FBXW11: variants seen among roughly 807,000 people sequenced by gnomAD.
FBXW11 encodes the protein F-box/WD repeat-containing protein 11.
A neutral mutation model predicts 77.6 loss-of-function variants in FBXW11; 19 were observed. The observed-to-expected ratio is 0.24, with a 90% CI of 0.17 to 0.36. The LOEUF is 0.36. FBXW11 is among the 10% of genes least tolerant of loss of function. The pLI is 1.00. For synonymous variants in FBXW11, 235 were observed against 249.4 expected (o/e 0.94, Z 0.54); for missense variants, 334 against 704.2 (o/e 0.47, Z 5.95).
chr5:171,958,469 T>G (rs999120089), intron 1 of FBXW11, among the ~76,000 whole-genome samples: 1 of 152,318 alleles, frequency 6.6e-6, no homozygotes, highest in Middle Eastern at 3.4e-3. Context: ...TGATTTTCAG[T>G]GTCATCACAT....
chr5:171,928,980 G>A (rs1433934388), intron 2 of FBXW11, among the ~76,000 whole-genome samples: 1 of 152,178 alleles, frequency 6.6e-6, no homozygotes, highest in African/African-American at 2.4e-5. Context: ...AGCAGAGGCA[G>A]GAGAATCACT....
In FBXW11 at chr5:171,869,965, T is replaced by G. The variant is rs1265793366; in HGVS notation, c.1452-158A>C. Among the ~76,000 whole-genome samples, 2 of 152,188 alleles carry G rather than the reference T, an allele frequency of 1.3e-5. No individual in the cohort carries two copies. Among genetic ancestry groups the G allele is most frequent in the African/African-American group, 4.8e-5 (2 of 41,442 alleles). The stretch of plus-strand genomic sequence containing the variant: ...ACAAATCATCTGAACCAATTACACT[T>G]GATTTTGGAAAAATTAAGAACCTAC... On this transcript the variant is annotated intron_variant, in intron 11 of 13. Coordinates refer to ENST00000517395, the MANE Select transcript of FBXW11 (RefSeq NM_001378974.1). The surrounding 1 kb of genome is among the most constrained non-coding windows in gnomAD (Gnocchi z 4.1).
At chr5:171,925,814 T>C (rs189258918) in intron 2 of FBXW11, among the ~76,000 whole-genome samples, 1 of 152,336 alleles carries the variant, frequency 6.6e-6, no homozygotes, top group African/African-American at 2.4e-5. Context: ...AAGTAGATTT[T>C]TAAAACATGG....
At chr5:171,923,160 C>T (rs762703100) in intron 2 of FBXW11, among the ~76,000 whole-genome samples, 6 of 152,190 alleles carry the variant, frequency 3.9e-5, no homozygotes, top group East Asian at 1.9e-4. Flanking sequence ...ATGATCTGCC[C>T]GCCTCAGCCT....
intron 2 of FBXW11, chr5:171,916,593 C>T (rs1264040877): frequency 2.6e-6 from 1 of 383,874 alleles, no homozygotes; most frequent in East Asian, 1.6e-4. Context: ...GTAATCTTTT[C>T]ATTGCTATCT....
At chr5:171,986,737 GA>G (rs11350892) in intron 1 of FBXW11, among the ~76,000 whole-genome samples, 119,189 of 149,680 alleles carry the variant, frequency 0.8, 50,749 homozygotes, top group East Asian at 0.97. Context: ...AAAAAAAAAA[GA>G]AAAAAAAAAT....
intron 2 of FBXW11, among the ~76,000 whole-genome samples, chr5:171,948,709 G>A (rs1373708065): frequency 6.6e-6 from 1 of 152,166 alleles, no homozygotes; most frequent in African/African-American, 2.4e-5. Context: ...AATGTCTATA[G>A]TATCAGGTAC....
intron 1 of FBXW11, among the ~76,000 whole-genome samples, chr5:171,990,671 C>T (rs907313796): frequency 1.1e-4 from 16 of 152,168 alleles, no homozygotes; most frequent in African/African-American, 3.9e-4. Flanking sequence ...AAAAATATGA[C>T]AGCTCTTTGG....
intron 4 of FBXW11, among the ~76,000 whole-genome samples, chr5:171,905,646 A>C (rs1296673935): frequency 7.3e-6 from 1 of 137,314 alleles, no homozygotes; most frequent in African/African-American, 2.6e-5. Context: ...TGTTTTGAGA[A>C]GAACAGGAAT....
At chr5:171,956,276 T>C (rs1050909232) in intron 2 of FBXW11, among the ~76,000 whole-genome samples, 3 of 152,188 alleles carry the variant, frequency 2.0e-5, no homozygotes, top group Non-Finnish European at 4.4e-5. Context: ...TCCAAGAACA[T>C]TTTTGTTAAA....
intron 4 of FBXW11, among the ~76,000 whole-genome samples, chr5:171,900,748 T>A (rs1169870299): frequency 6.6e-6 from 1 of 152,264 alleles, no homozygotes. Flanking sequence ...AGTATCCATT[T>A]TCTGTTCCTA....
intron 1 of FBXW11, among the ~76,000 whole-genome samples, chr5:171,969,330 A>G (rs1308886990): frequency 6.6e-6 from 1 of 152,210 alleles, no homozygotes; most frequent in East Asian, 1.9e-4. Flanking sequence ...TGTAATGAAC[A>G]TTCTCATTTT....
intron 6 of FBXW11, among the ~76,000 whole-genome samples, chr5:171,892,008 T>C (rs1013289152): frequency 3.9e-5 from 6 of 152,200 alleles, no homozygotes; most frequent in African/African-American, 1.2e-4. Context: ...CAAAGAATTG[T>C]CTTGATCACT....
chr5:171,891,377 A>C, intron 7 of FBXW11, 90 bp downstream of exon 7: 1 of 1,279,714 alleles, frequency 7.8e-7, no homozygotes, highest in Non-Finnish European at 1.1e-6. Context: ...GATAAAAACC[A>C]ATCTAGAGTA....
chr5:171,951,415 G>C (rs771850999), intron 2 of FBXW11, among the ~76,000 whole-genome samples: 4 of 151,978 alleles, frequency 2.6e-5, no homozygotes, highest in Admixed American at 6.6e-5. Context: ...ACATGCCTGT[G>C]GTCCCAGCTA....
intron 7 of FBXW11, among the ~76,000 whole-genome samples, chr5:171,890,831 G>A (rs943992772): frequency 2.0e-5 from 3 of 152,136 alleles, no homozygotes; most frequent in Non-Finnish European, 4.4e-5. Flanking sequence ...GCTCCATATC[G>A]TGATTTTTGT....
chr5:171,924,699 G>A (rs1453293309), intron 2 of FBXW11, among the ~76,000 whole-genome samples: 1 of 152,104 alleles, frequency 6.6e-6, no homozygotes, highest in African/African-American at 2.4e-5. Flanking sequence ...CAGCCCAGGA[G>A]CCGTGGGCCA....
chr5:171,910,522 G>T, intron 4 of FBXW11, 50 bp downstream of exon 4: 1 of 1,349,956 alleles, frequency 7.4e-7, no homozygotes, highest in Non-Finnish European at 1.0e-6. Flanking sequence ...TAGGTCCTTG[G>T]GCCGGGCATT....
At chr5:171,930,763 A>T (rs1158383264) in intron 2 of FBXW11, among the ~76,000 whole-genome samples, 2 of 6,650 alleles carry the variant, frequency 3.0e-4, no homozygotes, top group African/African-American at 5.0e-4. Context: ...ATAAAAAAAT[A>T]AAAAAAAAAA....
Sources: gnomAD v4.1 joint callset for allele counts (sites outside exome capture counted in the v4.1 genomes callset) on GRCh38, gnomAD v4.1.1 for gene constraint, Gnocchi (gnomAD v3.1) non-coding constraint, MANE v1.5 for transcripts, NCBI Gene and HGNC (gene_info 2026-07-23, HGNC 2026-07-21) for gene names.